Variants in ASTN2 observed in about 807,000 individuals in gnomAD.
ASTN2 encodes astrotactin 2.
Under a neutral mutation model 139.8 loss-of-function variants are expected in ASTN2, and 54 were observed. The observed-to-expected ratio is 0.39, with a 90% CI of 0.31 to 0.48. The LOEUF is 0.48. Among genes scored for constraint, ASTN2 ranks in the 20% least tolerant of loss-of-function variants. The probability of loss-of-function intolerance (pLI) is 0.95; values close to 1 mark genes in which losing one functional copy is unlikely to be tolerated. For missense variants in ASTN2, 1,565 were observed against 1,725.1 expected (o/e 0.91, Z 1.64); for synonymous variants, 756 against 719.5 (o/e 1.05, Z -0.81).
In ASTN2 at chr9:116,426,068, C is replaced by A. The variant is rs144554135; in HGVS notation, c.3803G>T (p.Arg1268Leu). 6.1e-5 allele frequency: 99 copies of A among 1,613,454 alleles called. No individual in the cohort carries two copies. In the South Asian group the frequency reaches 1.1e-3, roughly 17 times the overall value. The change falls in exon 23 of 23, where the codon CGG (arginine) becomes CTG (leucine). Residue 1268 changes from arginine (R) to leucine (L), a missense_variant. Physicochemically the swap from Arg to Leu is moderately radical, Grantham distance 102. This residue lies in a region of ASTN2 where 418 missense variants were observed against 465.8 expected (regional missense o/e 0.90). Transcript: ENST00000313400. ...LGPRKAHLIL[R>L]RLERVSSHCS... is the part of the protein sequence containing the mutation. ...GTGGCTACTCACCCTCTCCAGTCGC[C>A]GTAGAATCAGGTGGGCCTTCCTGAA...
At chr9:116,570,116 C>T (rs7857286) in intron 19 of ASTN2, among the ~76,000 whole-genome samples, 62,694 of 152,070 alleles carry the variant, frequency 0.41, 13,477 homozygotes, top group Admixed American at 0.5. Flanking sequence ...TTTCACGTTT[C>T]TAGCCTTGCT....
intron 3 of ASTN2, among the ~76,000 whole-genome samples, chr9:117,191,604 G>T (rs1159149538): frequency 2.0e-5 from 3 of 152,162 alleles, no homozygotes; most frequent in Non-Finnish European, 4.4e-5. Context: ...GAGGCAGGCT[G>T]GTTCTTTGTC....
At chr9:116,992,305 C>T (rs945992212) in intron 7 of ASTN2, among the ~76,000 whole-genome samples, 1 of 152,170 alleles carries the variant, frequency 6.6e-6, no homozygotes, top group Non-Finnish European at 1.5e-5. Context: ...GCCAGATAAT[C>T]TGTAGGGCTC....
At chr9:117,372,723 T>A (rs1033460031) in intron 1 of ASTN2, among the ~76,000 whole-genome samples, 2 of 152,284 alleles carry the variant, frequency 1.3e-5, no homozygotes, top group African/African-American at 4.8e-5. Flanking sequence ...TAAAAATTTT[T>A]AAATATGTTC....
intron 1 of ASTN2, among the ~76,000 whole-genome samples, chr9:117,394,575 T>TA (rs1479251141): frequency 6.6e-6 from 1 of 151,912 alleles, no homozygotes; most frequent in Non-Finnish European, 1.5e-5. Flanking sequence ...GGAGGAGAAA[T>TA]AAGGAATGAA....
intron 1 of ASTN2, among the ~76,000 whole-genome samples, chr9:117,341,627 C>T (rs1427548292): frequency 2.6e-5 from 4 of 152,044 alleles, no homozygotes; most frequent in African/African-American, 4.8e-5. Context: ...CCTTTTGCCA[C>T]CAGATTTATC....
chr9:117,402,242 T>G (rs1830852885), intron 1 of ASTN2, among the ~76,000 whole-genome samples: 1 of 152,080 alleles, frequency 6.6e-6, no homozygotes, highest in Admixed American at 6.5e-5. Flanking sequence ...AATTTTTGTG[T>G]TTTTAGTAGA....
At chr9:116,853,064 T>G (rs1374989885) in intron 11 of ASTN2, among the ~76,000 whole-genome samples, 1 of 152,174 alleles carries the variant, frequency 6.6e-6, no homozygotes, top group African/African-American at 2.4e-5. Flanking sequence ...ATTTTTAAAA[T>G]TACATATATA....
intron 2 of ASTN2, among the ~76,000 whole-genome samples, chr9:117,241,932 C>CCA (rs956025540): frequency 1.8e-4 from 27 of 147,882 alleles, no homozygotes; most frequent in South Asian, 1.3e-3. Context: ...TTACCCCCCC[C>CCA]CACACACACA....
intron 2 of ASTN2, among the ~76,000 whole-genome samples, chr9:117,241,208 G>A (rs751162163): frequency 7.2e-5 from 11 of 152,204 alleles, no homozygotes; most frequent in South Asian, 2.1e-4. Context: ...CCTCGGAGTC[G>A]GCATGACTCA....
At chr9:117,108,068 A>G (rs1829151782) in intron 4 of ASTN2, among the ~76,000 whole-genome samples, 1 of 152,192 alleles carries the variant, frequency 6.6e-6, no homozygotes, top group African/African-American at 2.4e-5. Context: ...TGGTACAATC[A>G]TTGAGTACAT....
At chr9:116,535,582 C>G (rs1025025969) in intron 19 of ASTN2, among the ~76,000 whole-genome samples, 1 of 152,088 alleles carries the variant, frequency 6.6e-6, no homozygotes, top group African/African-American at 2.4e-5. Flanking sequence ...ATTTGCTTGT[C>G]TATAAAGGAT....
chr9:117,399,035 C>T (rs1189227869), intron 1 of ASTN2, among the ~76,000 whole-genome samples: 3 of 152,148 alleles, frequency 2.0e-5, no homozygotes, highest in Admixed American at 6.5e-5. Flanking sequence ...CTGCCCACCT[C>T]GGCCTCCCAA....
At chr9:117,339,773 A>G (rs529439996) in intron 1 of ASTN2, among the ~76,000 whole-genome samples, 1 of 152,066 alleles carries the variant, frequency 6.6e-6, no homozygotes, top group Non-Finnish European at 1.5e-5. Flanking sequence ...GTGAAGGAAG[A>G]AGGAGAAAGG....
At chr9:116,739,810 G>A (rs1411902848) in intron 13 of ASTN2, among the ~76,000 whole-genome samples, 3 of 152,180 alleles carry the variant, frequency 2.0e-5, no homozygotes, top group Non-Finnish European at 4.4e-5. Context: ...AAAAGTAGGT[G>A]CACCATGAGC....
intron 10 of ASTN2, among the ~76,000 whole-genome samples, chr9:116,921,365 G>A (rs1564341620): frequency 6.6e-6 from 1 of 151,774 alleles, no homozygotes; most frequent in Non-Finnish European, 1.5e-5. Context: ...GAGGCGGGCG[G>A]ATCACATGGT....
intron 6 of ASTN2, among the ~76,000 whole-genome samples, chr9:117,039,512 G>C (rs1055123439): frequency 6.6e-6 from 1 of 151,890 alleles, no homozygotes; most frequent in African/African-American, 2.4e-5. Context: ...TGGGTTGATA[G>C]GTGCAGCAAA....
rs527799880 is a variant in ASTN2, at chr9:116,913,537, G to A, written c.1890-49804C>T. Among the ~76,000 whole-genome samples the A allele has an allele frequency of 2.0e-5, 3 of 152,260 alleles. No homozygotes were observed. In the South Asian group the frequency reaches 6.2e-4, roughly 32 times the overall value. ...TTGAGGGAAGGGGAAGGATGATTTG[G>A]GCATGCTGCAGCCTTTTCTAAAAGG... On this transcript the variant is annotated intron_variant, in intron 10 of 22. Coordinates refer to ENST00000313400, the MANE Select transcript of ASTN2 (RefSeq NM_001365068.1).
chr9:116,869,942 ATTTT>A (rs11291817), intron 10 of ASTN2, among the ~76,000 whole-genome samples: 1 of 142,462 alleles, frequency 7.0e-6, no homozygotes. Flanking sequence ...CATTTCTATA[ATTTT>A]TTTTTTTTTT....
Sources: allele counts gnomAD v4.1 joint callset (sites outside exome capture counted in the v4.1 genomes callset), GRCh38; gene constraint gnomAD v4.1.1; regional missense constraint gnomAD v4.1.1; transcripts MANE v1.5; gene names NCBI Gene and HGNC (gene_info 2026-07-23, HGNC 2026-07-21).